Variants in OTUD7A observed in about 807,000 individuals in gnomAD.
The protein encoded by OTUD7A is OTU deubiquitinase 7A.
OTUD7A carries 12 observed loss-of-function variants against 65.7 expected under a neutral mutation model. That is an observed-to-expected ratio of 0.18 (90% CI 0.12 to 0.30). The LOEUF (loss-of-function observed/expected upper bound fraction) is 0.30, where lower values mean the gene tolerates loss of function less well. Among genes scored for constraint, OTUD7A ranks in the 10% least tolerant of loss-of-function variants. OTUD7A has a pLI of 1.00. For missense variants in OTUD7A, 1,148 were observed against 1,304.8 expected (o/e 0.88, Z 1.85); for synonymous variants, 641 against 586.3 (o/e 1.09, Z -1.35).
At chr15:31,506,290 A>AT (rs765193155) in intron 8 of OTUD7A, among the ~76,000 whole-genome samples, 2 of 151,286 alleles carry the variant, frequency 1.3e-5, no homozygotes, top group African/African-American at 4.9e-5. Context: ...TTGCTTAGCT[A>AT]TTTTTTTGAT....
intron 3 of OTUD7A, among the ~76,000 whole-genome samples, chr15:31,636,911 GA>G (rs752964725): frequency 3.9e-5 from 6 of 152,284 alleles, no homozygotes; most frequent in Non-Finnish European, 8.8e-5. Flanking sequence ...AGCTACAGAA[GA>G]AAAGTTAGAA....
chr15:31,779,823 G>A (rs960598822), intron 1 of OTUD7A, among the ~76,000 whole-genome samples: 2 of 152,048 alleles, frequency 1.3e-5, no homozygotes, highest in African/African-American at 4.8e-5. Flanking sequence ...GGAAGGCCTT[G>A]GTCCTCCTGG....
chr15:31,833,681 C>T (rs1301669156), intron 1 of OTUD7A, among the ~76,000 whole-genome samples: 1 of 152,240 alleles, frequency 6.6e-6, no homozygotes. Context: ...TTTATTGACA[C>T]TCTTTTAGAA....
intron 1 of OTUD7A, among the ~76,000 whole-genome samples, chr15:31,715,436 C>G (rs1463614462): frequency 1.3e-5 from 2 of 151,780 alleles, no homozygotes; most frequent in Admixed American, 1.3e-4. Context: ...CCTTTTAGTT[C>G]AAGTGTCTGC....
chr15:31,488,469 C>G (rs750184156), intron 10 of OTUD7A, among the ~76,000 whole-genome samples: 7 of 152,148 alleles, frequency 4.6e-5, no homozygotes, highest in African/African-American at 1.2e-4. Flanking sequence ...AGGGCATTGT[C>G]AGGGACAAGG....
chr15:31,498,148 T>C lies in OTUD7A; in HGVS notation c.1171+3542A>G, dbSNP rs889512283. On this transcript the variant is annotated intron_variant, in intron 10 of 12. Coordinates refer to ENST00000307050, the MANE Select transcript of OTUD7A (RefSeq NM_001382637.1). The surrounding 1 kb of genome is among the most constrained non-coding windows in gnomAD (Gnocchi z 4.2). ...CTTTACCAAGAGTTAGCTGCCATTT[T>C]GGACTGTAGAGCCTCCTGGGGTATT... Among the ~76,000 whole-genome samples, 4 of 152,196 alleles carry C rather than the reference T, an allele frequency of 2.6e-5. No homozygotes were observed. Among genetic ancestry groups the C allele is most frequent in the African/African-American group, 9.7e-5 (4 of 41,440 alleles).
chr15:31,685,986 A>G (rs961221113), intron 1 of OTUD7A, among the ~76,000 whole-genome samples: 7 of 152,198 alleles, frequency 4.6e-5, no homozygotes, highest in African/African-American at 1.7e-4. Context: ...CCTTTTGTGA[A>G]TTTATACTTA....
intron 3 of OTUD7A, among the ~76,000 whole-genome samples, chr15:31,615,580 T>C (rs764710849): frequency 7.2e-5 from 11 of 152,262 alleles, no homozygotes; most frequent in Non-Finnish European, 8.8e-5. Context: ...TTAAATCACA[T>C]GAAAAATACG....
At chr15:31,836,740 A>G (rs1057240337) in intron 1 of OTUD7A, among the ~76,000 whole-genome samples, 4 of 152,224 alleles carry the variant, frequency 2.6e-5, no homozygotes, top group African/African-American at 9.6e-5. Context: ...CTAAATCTAA[A>G]AACCACCAGA....
intron 1 of OTUD7A, among the ~76,000 whole-genome samples, chr15:31,849,234 T>G (rs1897361842): frequency 6.6e-6 from 1 of 152,120 alleles, no homozygotes; most frequent in South Asian, 2.1e-4. Flanking sequence ...AACAGAGCCC[T>G]CAGAAATAAT....
At chr15:31,676,934 C>T (rs1326436619) in intron 1 of OTUD7A, among the ~76,000 whole-genome samples, 1 of 152,226 alleles carries the variant, frequency 6.6e-6, no homozygotes, top group African/African-American at 2.4e-5. Context: ...TAGGTGAATA[C>T]ATTTATGACC....
At chr15:31,766,620 C>T (rs1305202156) in intron 1 of OTUD7A, 3 of 1,606,794 alleles carry the variant, frequency 1.9e-6, no homozygotes, top group East Asian at 2.2e-5. Flanking sequence ...AATAACTATT[C>T]CTTCTTGTAC....
At chr15:31,652,669 G>A (rs1449929669) in intron 3 of OTUD7A, among the ~76,000 whole-genome samples, 2 of 151,896 alleles carry the variant, frequency 1.3e-5, no homozygotes, top group African/African-American at 4.8e-5. Flanking sequence ...CAAAAAGCCT[G>A]AACAGACATT....
chr15:31,575,319 A>G (rs1355985877), intron 3 of OTUD7A, among the ~76,000 whole-genome samples: 1 of 152,196 alleles, frequency 6.6e-6, no homozygotes, highest in Non-Finnish European at 1.5e-5. Flanking sequence ...AATAATTTCC[A>G]TATCTGCATA....
At chr15:31,548,550 C>T (rs1255785169) in intron 5 of OTUD7A, among the ~76,000 whole-genome samples, 2 of 152,174 alleles carry the variant, frequency 1.3e-5, no homozygotes, top group Non-Finnish European at 2.9e-5. Context: ...GCAAACCCTT[C>T]GGCTTCCCCA....
intron 1 of OTUD7A, among the ~76,000 whole-genome samples, chr15:31,795,305 C>T (rs565399408): frequency 2.6e-5 from 4 of 152,152 alleles, no homozygotes; most frequent in Non-Finnish European, 4.4e-5. Context: ...CCCTTGTCTT[C>T]GGGAAGGTTG....
chr15:31,530,648 T>C, intron 6 of OTUD7A, 59 bp downstream of exon 6: 1 of 1,471,338 alleles, frequency 6.8e-7, no homozygotes, highest in Non-Finnish European at 9.4e-7. Context: ...CAATAGCATA[T>C]GTCTTTCCTT....
chr15:31,797,685 C>G (rs570756885), intron 1 of OTUD7A, among the ~76,000 whole-genome samples: 5 of 152,236 alleles, frequency 3.3e-5, no homozygotes, highest in Non-Finnish European at 5.9e-5. Context: ...CAAACTCTAT[C>G]CTAAGCCTGG....
chr15:31,721,207 A>C (rs1158911828), intron 1 of OTUD7A, among the ~76,000 whole-genome samples: 2 of 152,294 alleles, frequency 1.3e-5, no homozygotes, highest in South Asian at 4.1e-4. Context: ...GCATGCACAC[A>C]TCTATGTATC....
Sources: gnomAD v4.1 joint callset for allele counts (sites outside exome capture counted in the v4.1 genomes callset) on GRCh38, gnomAD v4.1.1 for gene constraint, Gnocchi (gnomAD v3.1) non-coding constraint, MANE v1.5 for transcripts, NCBI Gene and HGNC (gene_info 2026-07-23, HGNC 2026-07-21) for gene names.